Variants in PHF20 observed in about 807,000 individuals in gnomAD.
The protein encoded by PHF20 is PHD finger protein 20.
In PHF20, 23 loss-of-function variants were observed where a neutral mutation model predicts 113.5. The observed-to-expected ratio is 0.20, with a 90% CI of 0.15 to 0.29. The LOEUF (loss-of-function observed/expected upper bound fraction) is 0.29. PHF20 is among the 10% of genes least tolerant of loss of function. The pLI, the probability that PHF20 is intolerant of heterozygous loss-of-function variation, is 1.00. For missense variants in PHF20, 943 were observed against 1,219.6 expected (o/e 0.77, Z 3.38); for synonymous variants, 434 against 457.3 (o/e 0.95, Z 0.65).
At chr20:35,812,033 A>G (rs2146884267) in intron 2 of PHF20, among the ~76,000 whole-genome samples, 1 of 152,114 alleles carries the variant, frequency 6.6e-6, no homozygotes, top group East Asian at 1.9e-4. Context: ...TCAGCCTCCC[A>G]AAGTGCTGGG....
chr20:35,787,378 C>A (rs960752773), intron 1 of PHF20, among the ~76,000 whole-genome samples: 1 of 151,128 alleles, frequency 6.6e-6, no homozygotes, highest in African/African-American at 2.4e-5. Flanking sequence ...GAGGTTTCAC[C>A]ATGTTGGTCA....
At chr20:35,801,676 G>A (rs2041784251) in intron 2 of PHF20, 71 bp downstream of exon 2, 3 of 940,730 alleles carry the variant, frequency 3.2e-6, no homozygotes, top group South Asian at 2.8e-5. Context: ...TAGAGTGGTA[G>A]CTTAGGCTTT....
chr20:35,786,056 A>G (rs552702385), intron 1 of PHF20, among the ~76,000 whole-genome samples: 1 of 149,974 alleles, frequency 6.7e-6, no homozygotes, highest in South Asian at 2.1e-4. Flanking sequence ...CAAAAAAAAA[A>G]ACAAATCTTG....
rs184583203 is a variant in PHF20 at position 35,828,834 on chromosome 20, A to G, written c.84-13739A>G. On this transcript the variant is annotated intron_variant, in intron 2 of 17. Coordinates refer to ENST00000374012, the MANE Select transcript of PHF20 (RefSeq NM_016436.5). ...AACCTATAAACTATTGATAGACTCCATTTCTAGATACCAAAGCAGTCTAGC... is the reference window on the plus strand; with the variant it reads ...AACCTATAAACTATTGATAGACTCCGTTTCTAGATACCAAAGCAGTCTAGC... 9.3e-4 allele frequency among the ~76,000 whole-genome samples: 141 copies of G among 152,314 alleles called. 1 individual carries two copies. Among genetic ancestry groups the G allele is most frequent in the Non-Finnish European group, 1.4e-3 (95 of 68,028 alleles).
At chr20:35,776,750 G>C (rs991977884) in intron 1 of PHF20, among the ~76,000 whole-genome samples, 13 of 152,068 alleles carry the variant, frequency 8.5e-5, no homozygotes, top group Non-Finnish European at 1.8e-4. Flanking sequence ...TAACGGATTT[G>C]ATCTGGATTT....
At chr20:35,913,942 A>T (rs2055353773) in intron 11 of PHF20, 91 bp from the exon 12 acceptor site, 1 of 1,307,796 alleles carries the variant, frequency 7.6e-7, no homozygotes, top group Admixed American at 1.9e-5. Context: ...GTGCTGCTTG[A>T]AAAGGAGGCT....
Position 35,924,320 on chromosome 20 carries a change from G to A in PHF20, c.2005-3460G>A, listed in dbSNP as rs187679690. ...AGTGATTCTCCTGCCTCAGCCTCCC[G>A]AGTAGCTGGGATTACAGGCATGCAC... On this transcript the variant is annotated intron_variant, in intron 13 of 17. Transcript: ENST00000374012. 6.0e-5 allele frequency among the ~76,000 whole-genome samples: 9 copies of A among 150,328 alleles called. No individual in the cohort carries two copies. The East Asian group carries it at 7.9e-4, about 13-fold the overall frequency.
chr20:35,806,162 A>ATTT (rs1299032685), intron 2 of PHF20, among the ~76,000 whole-genome samples: 11 of 123,694 alleles, frequency 8.9e-5, no homozygotes, highest in East Asian at 4.5e-4. Flanking sequence ...CATGCCTGGC[A>ATTT]TTTTTTTTTT....
intron 2 of PHF20, among the ~76,000 whole-genome samples, chr20:35,810,182 C>T (rs1042513374): frequency 1.3e-5 from 2 of 152,040 alleles, no homozygotes; most frequent in African/African-American, 2.4e-5. Context: ...TGCCCGCCTC[C>T]GCCTCCCAAA....
At chr20:35,946,863 C>T (rs2056095099) in intron 17 of PHF20, among the ~76,000 whole-genome samples, 1 of 152,106 alleles carries the variant, frequency 6.6e-6, no homozygotes, top group African/African-American at 2.4e-5. Context: ...ACGGGCACCA[C>T]CATGCCTGGC....
rs1234249423 is a variant in PHF20 at position 35,949,363 on chromosome 20, A to T, written c.*1736A>T. 1 of 152,652 alleles carries T rather than the reference A, an allele frequency of 6.6e-6. No homozygotes were observed. The highest frequency in any genetic ancestry group is 1.5e-5 in the Non-Finnish European group (1 of 68,040). 9.5% of individuals were successfully genotyped at this position (152,652 alleles called of 1,614,324 possible). A position where few individuals can be genotyped will look rare whatever the true frequency, so the allele number is the denominator to read the frequency against. On this transcript the variant is annotated 3_prime_UTR_variant, in exon 18 of 18. Transcript: ENST00000374012. ...TCTGTAGCCACACCTGTGAGGCGTG[A>T]TGATTGTTGTATTATTAGATTACTG...
chr20:35,906,456 G>A (rs1057200147), intron 10 of PHF20, among the ~76,000 whole-genome samples: 1 of 142,632 alleles, frequency 7.0e-6, no homozygotes, highest in African/African-American at 2.5e-5. Context: ...GTTCCACCAG[G>A]CTCTAAAGGT....
intron 9 of PHF20, among the ~76,000 whole-genome samples, chr20:35,890,504 TTTGA>T (rs1302873262): frequency 6.6e-6 from 1 of 152,256 alleles, no homozygotes; most frequent in East Asian, 1.9e-4. Context: ...TATGCATAAC[TTTGA>T]TTGTTTTGAG....
chr20:35,772,528 GA>G (rs1426816700), intron 1 of PHF20, among the ~76,000 whole-genome samples: 1 of 152,176 alleles, frequency 6.6e-6, no homozygotes, highest in Admixed American at 6.5e-5. Context: ...CTATTCTGGG[GA>G]GCACATTCCT....
At chr20:35,834,025 T>C (rs1334823101) in intron 2 of PHF20, among the ~76,000 whole-genome samples, 1 of 151,714 alleles carries the variant, frequency 6.6e-6, no homozygotes, top group Non-Finnish European at 1.5e-5. Context: ...GCCACTGTAC[T>C]CCAGCCTGGG....
At chr20:35,777,340 G>T (rs966569980) in intron 1 of PHF20, among the ~76,000 whole-genome samples, 2 of 152,200 alleles carry the variant, frequency 1.3e-5, no homozygotes, top group Admixed American at 6.6e-5. Context: ...AAGCAAGCAG[G>T]TTGTTTGCCT....
intron 2 of PHF20, among the ~76,000 whole-genome samples, chr20:35,803,125 G>A (rs1032818430): frequency 1.4e-4 from 21 of 150,552 alleles, no homozygotes; most frequent in African/African-American, 4.6e-4. Flanking sequence ...GATGGTGCAC[G>A]CATGTAGTCC....
chr20:35,889,803 A>G (rs529316983), intron 9 of PHF20, among the ~76,000 whole-genome samples: 107 of 151,988 alleles, frequency 7.0e-4, no homozygotes, highest in Non-Finnish European at 1.4e-3. Context: ...ATCTCGTCTC[A>G]CTGCAACCTC....
At chr20:35,807,956 A>G (rs1600760858) in intron 2 of PHF20, among the ~76,000 whole-genome samples, 1 of 152,302 alleles carries the variant, frequency 6.6e-6, no homozygotes, top group East Asian at 1.9e-4. Flanking sequence ...CTTCAAGATA[A>G]TATGAAGATT....
Sources: allele counts gnomAD v4.1 joint callset (sites outside exome capture counted in the v4.1 genomes callset), GRCh38; gene constraint gnomAD v4.1.1; transcripts MANE v1.5; gene names NCBI Gene and HGNC (gene_info 2026-07-23, HGNC 2026-07-21).